The following MYOM2 variants were observed in gnomAD, a reference collection of about 807,000 sequenced individuals.
MYOM2 encodes the protein myomesin 2, also known as myomesin-2.
In MYOM2, 254 loss-of-function variants were observed where a neutral mutation model predicts 187.6. The ratio of observed to expected loss-of-function variants is 1.35; its 90% CI spans 1.22 to 1.50. MYOM2 has a LOEUF of 1.50. Ranked by LOEUF, MYOM2 falls within the 40% of genes most tolerant of loss-of-function variation. The pLI is 0.00. For missense variants in MYOM2, 2,796 were observed against 1,924.0 expected (o/e 1.45, Z -8.48); for synonymous variants, 981 against 753.8 (o/e 1.30, Z -4.94).
At chr8:2,120,671 TATATTATATTATATATAA>T (rs1429852054) in intron 28 of MYOM2, among the ~76,000 whole-genome samples, 4 of 19,896 alleles carry the variant, frequency 2.0e-4, no homozygotes, top group East Asian at 1.6e-3. Context: ...TATATATATA[TATATTATATTATATATAA>T]ATATATAATA....
intron 29 of MYOM2, 93 bp from the exon 30 acceptor site, chr8:2,123,462 G>A (rs1391244027): frequency 3.4e-6 from 5 of 1,465,700 alleles, no homozygotes; most frequent in South Asian, 2.3e-5. Context: ...CCTGAATTTC[G>A]GTGGTTTGCA....
chr8:2,083,465 A>G (rs1191197961), intron 13 of MYOM2, among the ~76,000 whole-genome samples: 1 of 151,782 alleles, frequency 6.6e-6, no homozygotes, highest in Non-Finnish European at 1.5e-5. Context: ...GCATGTGCTT[A>G]GCACCATCTC....
intron 13 of MYOM2, among the ~76,000 whole-genome samples, chr8:2,082,395 ATT>A (rs11394207): frequency 0.018 from 2,693 of 151,744 alleles, 42 homozygotes; most frequent in Non-Finnish European, 0.028. Context: ...TCTTCAGCTG[ATT>A]TTTTTTTCTT....
intron 34 of MYOM2, among the ~76,000 whole-genome samples, chr8:2,141,655 G>C (rs1289623455): frequency 6.6e-6 from 1 of 152,124 alleles, no homozygotes; most frequent in African/African-American, 2.4e-5. Flanking sequence ...CTTATCTCAG[G>C]GTTGGAATGT....
rs1391536221 is a variant in MYOM2 at position 2,102,851 on chromosome 8, A to G, written c.2734+70A>G. On this transcript the variant is annotated intron_variant, in intron 21 of 36. Coordinates refer to ENST00000262113, the MANE Select transcript of MYOM2 (RefSeq NM_003970.4). ...GAGAGTGTGCATGTATTATGGATGT[A>G]TGGATGAGGGTGTGTGGATAAATGA... 5 of 1,247,196 alleles carry G rather than the reference A, an allele frequency of 4.0e-6. No individual in the cohort carries two copies. The East Asian group carries it at 1.2e-4, about 31-fold the overall frequency. The allele number at this position is 1,247,196 out of a possible 1,614,324, so 77.3% of individuals were successfully genotyped here.
In MYOM2 at chr8:2,069,336, G is replaced by C; in HGVS notation, c.712G>C (p.Val238Leu). ...AGTGGCCACCAATGCCCACGGACAAGTGTCCACCAACGCGGCGGTGGTGGT... is the reference window on the plus strand; with the variant it reads ...AGTGGCCACCAATGCCCACGGACAACTGTCCACCAACGCGGCGGTGGTGGT... ...SAVATNAHGQ[V>L]STNAAVVVRR... The change falls in exon 7 of 37, where the codon GTG (valine) becomes CTG (leucine). Residue 238 changes from valine (V) to leucine (L), a missense_variant. By Grantham distance (32) the Val-to-Leu change is conservative (BLOSUM62 1). Transcript: ENST00000262113. 1 of 1,614,024 alleles carries C rather than the reference G, an allele frequency of 6.2e-7. No homozygotes were observed. Among genetic ancestry groups the C allele is most frequent in the Non-Finnish European group, 8.5e-7 (1 of 1,179,958 alleles).
chr8:2,098,601 C>G (rs1288262046), intron 18 of MYOM2, among the ~76,000 whole-genome samples: 1 of 152,292 alleles, frequency 6.6e-6, no homozygotes, highest in African/African-American at 2.4e-5. Flanking sequence ...CCTACCCCCG[C>G]AGGAGTGGGA....
intron 14 of MYOM2, among the ~76,000 whole-genome samples, chr8:2,087,231 A>T (rs1165117048): frequency 6.6e-6 from 1 of 152,224 alleles, no homozygotes; most frequent in Admixed American, 6.5e-5. Context: ...ATGTAATACA[A>T]TATGTAGTAT....
chr8:2,108,867 C>G (rs1796978181), intron 24 of MYOM2, 37 bp downstream of exon 24: 1 of 1,608,068 alleles, frequency 6.2e-7, no homozygotes, highest in Non-Finnish European at 8.5e-7. Context: ...CTGCTTGCAG[C>G]TGCTGGCTGG....
chr8:2,133,313 C>T lies in MYOM2; in HGVS notation c.3800+4081C>T, dbSNP rs191187985. 8.9e-4 allele frequency among the ~76,000 whole-genome samples: 136 copies of T among 152,278 alleles called. 1 individual carries two copies. The South Asian group carries it at 1.0e-2, about 11-fold the overall frequency. On this transcript the variant is annotated intron_variant, in intron 32 of 36. Transcript: ENST00000262113. ...AATTTCTCCCTTTTATCTACATTTCCCTTCAAAAGGGGAGCAAGATCTAGG... is the reference window on the plus strand; with the variant it reads ...AATTTCTCCCTTTTATCTACATTTCTCTTCAAAAGGGGAGCAAGATCTAGG...
At chr8:2,082,385 T>C (rs1489378517) in intron 13 of MYOM2, among the ~76,000 whole-genome samples, 1 of 143,292 alleles carries the variant, frequency 7.0e-6, no homozygotes, top group Non-Finnish European at 1.5e-5. Flanking sequence ...GTGTCTTTTT[T>C]CTTCAGCTGA....
chr8:2,065,632 C>G (rs1009972267), intron 6 of MYOM2, among the ~76,000 whole-genome samples: 1 of 152,008 alleles, frequency 6.6e-6, no homozygotes, highest in African/African-American at 2.4e-5. Context: ...TTCTTATTGC[C>G]CAGTGTTTCT....
chr8:2,073,663 A>G (rs561458858), intron 10 of MYOM2, among the ~76,000 whole-genome samples, 163 bp downstream of exon 10: 1 of 152,216 alleles, frequency 6.6e-6, no homozygotes. Flanking sequence ...GTGCATGGGC[A>G]CGCCAGGTGC....
chr8:2,083,637 C>G (rs921034156), intron 13 of MYOM2, among the ~76,000 whole-genome samples: 1 of 152,182 alleles, frequency 6.6e-6, no homozygotes, highest in Non-Finnish European at 1.5e-5. Context: ...TCCCTCGGCT[C>G]CCCTCTCAGG....
intron 1 of MYOM2, among the ~76,000 whole-genome samples, chr8:2,048,735 C>T (rs533125711): frequency 6.6e-5 from 10 of 152,086 alleles, no homozygotes; most frequent in East Asian, 3.9e-4. Flanking sequence ...AATATCAGGG[C>T]GGGTGGAGGA....
At position 2,100,129 on chromosome 8, in the gene MYOM2, T is replaced by TTTCTTTCCTTCC. The variant is rs1796648961; in HGVS notation, c.2441-744_2441-743insTTTCCTTCCTTC. 1.3e-3 allele frequency among the ~76,000 whole-genome samples: 57 copies of TTTCTTTCCTTCC among 45,554 alleles called. 2 individuals carry two copies. Among genetic ancestry groups the TTTCTTTCCTTCC allele is most frequent in the Middle Eastern group, 0.013 (1 of 78 alleles). 29.9% of individuals were successfully genotyped at this position (45,554 alleles called of 152,430 possible). A position where few individuals can be genotyped will look rare whatever the true frequency, so the allele number is the denominator to read the frequency against. On this transcript the variant is annotated intron_variant, in intron 19 of 36. Transcript: ENST00000262113. ...CCTTCTTTCTTTCCTTCCTTCCTTC[T>TTTCTTTCCTTCC]TTCCTTCCTTCCTTCCTTCCTTCCT...
intron 33 of MYOM2, 107 bp downstream of exon 33, chr8:2,140,993 A>G: frequency 4.4e-6 from 6 of 1,355,756 alleles, no homozygotes; most frequent in South Asian, 1.6e-5. Flanking sequence ...TGAATTTACA[A>G]TTTTCATTTA....
Position 2,076,193 on chromosome 8 carries a change from C to T in MYOM2, c.1173C>T (p.Cys391=). 2 of 1,613,400 alleles carry T rather than the reference C, an allele frequency of 1.2e-6. No homozygotes were observed. Among genetic ancestry groups the T allele is most frequent in the South Asian group, 1.1e-5 (1 of 90,890 alleles). Residue 391 remains cysteine (C), a synonymous_variant, in exon 11 of 37, where the codon TGC becomes TGT. Coordinates refer to ENST00000262113, the MANE Select transcript of MYOM2 (RefSeq NM_003970.4). ...GAPGAPMDLQ[C]HDANRDYVIV... ...CCGGTGCACCCATGGACTTGCAGTG[C>T]CACGACGCCAACCGGGACTACGTCA... is the stretch of plus-strand genomic sequence containing the variant.
intron 10 of MYOM2, among the ~76,000 whole-genome samples, chr8:2,073,987 C>T (rs1819327375): frequency 6.6e-6 from 1 of 152,172 alleles, no homozygotes; most frequent in African/African-American, 2.4e-5. Flanking sequence ...TTCAGTGAAA[C>T]TCGTGCTTAA....
Sources: allele counts gnomAD v4.1 joint callset (sites outside exome capture counted in the v4.1 genomes callset), GRCh38; gene constraint gnomAD v4.1.1; transcripts MANE v1.5; gene names NCBI Gene and HGNC (gene_info 2026-07-23, HGNC 2026-07-21).